The following SPON1 variants were observed in gnomAD, a reference collection of about 807,000 sequenced individuals.
SPON1 encodes spondin-1.
In SPON1, 52 loss-of-function variants were observed where a neutral mutation model predicts 111.7. That is an observed-to-expected ratio of 0.47 (90% CI 0.37 to 0.59). The LOEUF (loss-of-function observed/expected upper bound fraction) is 0.59, where lower values mean the gene tolerates loss of function less well. SPON1 is among the 20% of genes least tolerant of loss of function. The pLI is 0.00. For synonymous variants in SPON1, 410 were observed against 395.8 expected, an observed-to-expected ratio of 1.04 and a Z score of -0.43; for missense variants, 957 against 1,068.5, an observed-to-expected ratio of 0.90 and a Z score of 1.46.
chr11:14,152,428 T>C (rs1420662409), intron 6 of SPON1, among the ~76,000 whole-genome samples: 1 of 152,250 alleles, frequency 6.6e-6, no homozygotes, highest in Non-Finnish European at 1.5e-5. Context: ...CCAATGCTCT[T>C]CTAAAGGGCA....
intron 5 of SPON1, among the ~76,000 whole-genome samples, chr11:14,118,309 A>G (rs1849280968): frequency 6.6e-6 from 1 of 152,214 alleles, no homozygotes; most frequent in Non-Finnish European, 1.5e-5. Flanking sequence ...CCAGGAATAT[A>G]GCCTCTCTCC....
intron 2 of SPON1, among the ~76,000 whole-genome samples, chr11:13,983,783 A>T (rs1848162187): frequency 1.3e-5 from 2 of 152,158 alleles, no homozygotes; most frequent in South Asian, 4.1e-4. Flanking sequence ...TTGTTCTGGA[A>T]TTCATTTTTA....
intron 1 of SPON1, among the ~76,000 whole-genome samples, chr11:13,974,546 A>G (rs1848087715): frequency 6.6e-6 from 1 of 152,166 alleles, no homozygotes; most frequent in East Asian, 1.9e-4. Flanking sequence ...GCTATTTGGT[A>G]ATTAGGTAGG....
chr11:14,147,150 C>G (rs11023111), intron 6 of SPON1, among the ~76,000 whole-genome samples: 2 of 149,684 alleles, frequency 1.3e-5, no homozygotes, highest in Non-Finnish European at 3.0e-5. Flanking sequence ...CTGTCTCAGC[C>G]TCCTGAGTAG....
intron 6 of SPON1, among the ~76,000 whole-genome samples, chr11:14,214,411 T>G (rs578057527): frequency 5.9e-5 from 9 of 152,308 alleles, no homozygotes; most frequent in African/African-American, 2.2e-4. Flanking sequence ...GCTGGCTCCT[T>G]ACCAGAATGG....
At chr11:14,160,443 T>TTTATATATATATATTTA (rs1554930845) in intron 6 of SPON1, among the ~76,000 whole-genome samples, 746 of 16,528 alleles carry the variant, frequency 0.045, 311 homozygotes, top group Admixed American at 0.06. Flanking sequence ...ATATATATAT[T>TTTATATATATATATTTA]TATATATATA....
intron 6 of SPON1, among the ~76,000 whole-genome samples, chr11:14,172,852 C>G (rs1217425447): frequency 1.3e-5 from 2 of 151,886 alleles, no homozygotes; most frequent in South Asian, 2.1e-4. Context: ...GAGTTTCTGC[C>G]AAGAGATCAG....
chr11:14,192,519 G>A (rs1160415177), intron 6 of SPON1, among the ~76,000 whole-genome samples: 1 of 152,182 alleles, frequency 6.6e-6, no homozygotes, highest in African/African-American at 2.4e-5. Flanking sequence ...CCCCGTCAAT[G>A]TGCGTAGAGA....
chr11:14,262,866 C>A lies in SPON1; in HGVS notation c.2151C>A (p.Ile717=). The A allele has an allele frequency of 6.2e-7, 1 of 1,613,818 alleles. No individual in the cohort carries two copies. The highest frequency in any genetic ancestry group is 8.5e-7 in the Non-Finnish European group (1 of 1,179,868). The change falls in exon 15 of 16, where the codon ATC becomes ATA. Residue 717 remains isoleucine (I), a synonymous_variant. Transcript: ENST00000576479. ...CTGTGCAGCGAAAAAAGTGCCGCAT[C>A]CGAAAATGCCTTCGAAATCCATCCA... ...PETVQRKKCR[I]RKCLRNPSIQ...
chr11:14,001,305 A>T (rs140298020), intron 2 of SPON1, among the ~76,000 whole-genome samples: 1 of 152,332 alleles, frequency 6.6e-6, no homozygotes, highest in East Asian at 1.9e-4. Context: ...TGTGAATTTT[A>T]ACCCCAGGAG....
intron 6 of SPON1, among the ~76,000 whole-genome samples, chr11:14,193,349 G>A (rs912243685): frequency 6.6e-6 from 1 of 152,102 alleles, no homozygotes; most frequent in Admixed American, 6.6e-5. Context: ...GCACTGCCAC[G>A]CCACCCCAAT....
At chr11:14,210,794 G>A (rs987517077) in intron 6 of SPON1, among the ~76,000 whole-genome samples, 5 of 152,174 alleles carry the variant, frequency 3.3e-5, no homozygotes, top group Non-Finnish European at 7.3e-5. Flanking sequence ...GTGTAAGGAA[G>A]GGGTCCAGTT....
intron 5 of SPON1, among the ~76,000 whole-genome samples, chr11:14,129,802 G>T (rs1215882854): frequency 6.6e-6 from 1 of 152,138 alleles, no homozygotes; most frequent in Non-Finnish European, 1.5e-5. Context: ...CGACATGGCT[G>T]GGGAGGCCTC....
chr11:14,211,029 G>A (rs1848569869), intron 6 of SPON1, among the ~76,000 whole-genome samples: 1 of 152,166 alleles, frequency 6.6e-6, no homozygotes, highest in Non-Finnish European at 1.5e-5. Flanking sequence ...TTTGAAGTCA[G>A]GTAGTGTGAT....
chr11:14,261,977 G>A, intron 14 of SPON1, among the ~76,000 whole-genome samples: 1 of 152,182 alleles, frequency 6.6e-6, no homozygotes, highest in East Asian at 1.9e-4. Context: ...CTTTGGCCTT[G>A]CAAGACCAAC....
chr11:13,979,323 C>T (rs1848126450), intron 1 of SPON1, among the ~76,000 whole-genome samples: 1 of 152,212 alleles, frequency 6.6e-6, no homozygotes, highest in African/African-American at 2.4e-5. Context: ...TAGGGCCCAC[C>T]TGAATCCAGC....
chr11:14,037,099 C>T (rs1848600166), intron 2 of SPON1, among the ~76,000 whole-genome samples: 1 of 151,754 alleles, frequency 6.6e-6, no homozygotes, highest in Non-Finnish European at 1.5e-5. Context: ...AGTAAGGTCT[C>T]AGCTTTTTTT....
chr11:13,991,955 C>T (rs1192618192), intron 2 of SPON1, among the ~76,000 whole-genome samples: 1 of 152,160 alleles, frequency 6.6e-6, no homozygotes, highest in Non-Finnish European at 1.5e-5. Context: ...GGGGCACCTG[C>T]CAGATGCCAG....
At chr11:14,137,739 G>A (rs1392657790) in intron 6 of SPON1, among the ~76,000 whole-genome samples, 3 of 152,138 alleles carry the variant, frequency 2.0e-5, no homozygotes, top group Admixed American at 6.6e-5. Context: ...GGGGTCCTGT[G>A]AGCCTGCATG....
Sources: gnomAD v4.1 joint callset for allele counts (sites outside exome capture counted in the v4.1 genomes callset) on GRCh38, gnomAD v4.1.1 for gene constraint, MANE v1.5 for transcripts, NCBI Gene and HGNC (gene_info 2026-07-23, HGNC 2026-07-21) for gene names.